Variants in CKAP2L observed in about 807,000 individuals in gnomAD.
The protein encoded by CKAP2L is cytoskeleton associated protein 2L, also known as cytoskeleton-associated protein 2-like.
In CKAP2L, 42 loss-of-function variants were observed where a neutral mutation model predicts 65.7. That is an observed-to-expected ratio of 0.64 (90% CI 0.50 to 0.83). CKAP2L has a LOEUF of 0.83. Ranked by LOEUF, CKAP2L falls within the 40% of genes least tolerant of loss-of-function variation. The pLI, the probability that CKAP2L is intolerant of heterozygous loss-of-function variation, is 0.00. For missense variants in CKAP2L, 908 were observed against 871.0 expected (o/e 1.04, Z -0.53); for synonymous variants, 325 against 313.5 (o/e 1.04, Z -0.39).
At chr2:112,741,604 G>A (rs189424238) in intron 7 of CKAP2L, among the ~76,000 whole-genome samples, 200 of 152,304 alleles carry the variant, frequency 1.3e-3, no homozygotes, top group African/African-American at 4.5e-3. Context: ...ATGGATTCCT[G>A]TCTTCTCTTT....
At position 112,756,886 on chromosome 2, in the gene CKAP2L, C is replaced by T. The variant is rs375996120; in HGVS notation, c.485G>A (p.Cys162Tyr). The T allele has an allele frequency of 5.0e-6, 8 of 1,613,182 alleles. No individual in the cohort carries two copies. In the African/African-American group the frequency reaches 8.0e-5, roughly 16 times the overall value. The change falls in exon 4 of 9, where the codon TGT becomes TAT. Residue 162 changes from cysteine (C) to tyrosine (Y), a missense_variant. By Grantham distance (194) the Cys-to-Tyr change is radical (BLOSUM62 -2). Coordinates refer to ENST00000302450, the MANE Select transcript of CKAP2L (RefSeq NM_152515.5). ...ATGGATATTATTCATAAAGTCTATA[C>T]ATTTACCATTTCCTTGATCTGTTAA... ...QQLTDQGNGK[C>Y]IDFMNNIHVE...
chr2:112,752,073 A>T (rs1026297249), intron 5 of CKAP2L, among the ~76,000 whole-genome samples, 194 bp downstream of exon 5: 1 of 152,238 alleles, frequency 6.6e-6, no homozygotes, highest in Non-Finnish European at 1.5e-5. Flanking sequence ...AATCTTAGCT[A>T]AGTGCTTATA....
chr2:112,746,627 C>A, intron 5 of CKAP2L, 52 bp from the exon 6 acceptor site: 1 of 1,315,460 alleles, frequency 7.6e-7, no homozygotes, highest in Middle Eastern at 1.9e-4. Context: ...CACTGTTAGT[C>A]TCACATCTCC....
chr2:112,761,468 A>AAG (rs1680719068), intron 2 of CKAP2L, among the ~76,000 whole-genome samples: 1 of 151,680 alleles, frequency 6.6e-6, no homozygotes, highest in African/African-American at 2.4e-5. Context: ...CTCAAAAAAA[A>AAG]AAAAAAAAAA....
Position 112,762,552 on chromosome 2 carries a change from G to A in CKAP2L, c.55C>T (p.Leu19Phe), listed in dbSNP as rs36093393. ...CCCTTGGCTGCAAGGTACTCCTGAA[G>A]CTTTCTCTGCCGCTCTTCTGCAACA... The part of the protein sequence containing the change: ...AAAVEERQRK[L>F]QEYLAAKGKL... Residue 19 changes from leucine to phenylalanine, a missense_variant, in exon 2 of 9, where the codon CTT becomes TTT. Coordinates refer to ENST00000302450, the MANE Select transcript of CKAP2L (RefSeq NM_152515.5). 118,391 of 1,612,868 alleles carry A rather than the reference G, an allele frequency of 0.073. 4,985 individuals are homozygous for A. Among genetic ancestry groups the A allele is most frequent in the Non-Finnish European group, 0.085 (100,729 of 1,178,826 alleles).
At chr2:112,740,224 G>A (rs1022285470) in intron 8 of CKAP2L, among the ~76,000 whole-genome samples, 1 of 152,116 alleles carries the variant, frequency 6.6e-6, no homozygotes, top group Non-Finnish European at 1.5e-5. Flanking sequence ...AGAGAGTTTA[G>A]GATTGGAAGA....
chr2:112,741,054 A>G (rs1444791418), intron 7 of CKAP2L, 47 bp from the exon 8 acceptor site: 3 of 1,273,006 alleles, frequency 2.4e-6, no homozygotes, highest in South Asian at 2.5e-5. Flanking sequence ...CCAATTTAAT[A>G]CTTCAACTAG....
At chr2:112,748,444 A>T (rs1261397028) in intron 5 of CKAP2L, among the ~76,000 whole-genome samples, 1 of 70,554 alleles carries the variant, frequency 1.4e-5, no homozygotes, top group African/African-American at 5.5e-5. Flanking sequence ...CCAAACTATG[A>T]TTCCAGCATG....
At chr2:112,743,761 T>C (rs940367619) in intron 6 of CKAP2L, among the ~76,000 whole-genome samples, 1 of 152,172 alleles carries the variant, frequency 6.6e-6, no homozygotes, top group African/African-American at 2.4e-5. Context: ...TGTAGGCATT[T>C]TGAGTAATTT....
intron 5 of CKAP2L, among the ~76,000 whole-genome samples, chr2:112,748,689 T>C (rs1680276880): frequency 6.6e-6 from 1 of 152,062 alleles, no homozygotes; most frequent in African/African-American, 2.4e-5. Flanking sequence ...AGTGAGACCC[T>C]GTGTCTACAA....
chr2:112,758,192 A>G (rs1680601391), intron 3 of CKAP2L, among the ~76,000 whole-genome samples: 1 of 152,226 alleles, frequency 6.6e-6, no homozygotes, highest in Non-Finnish European at 1.5e-5. Flanking sequence ...AAGTTTGGAT[A>G]AGAAAGGTAG....
In CKAP2L at chr2:112,756,515, G is replaced by A. The variant is rs186817501; in HGVS notation, c.856C>T (p.Leu286Phe). ...RTVPSHFIRT[L>F]SKVQSSKKPV... ...TTCTTTGATGACTGAACTTTACTAA[G>A]GGTCCGAATAAAGTGAGAGGGAACC... The change falls in exon 4 of 9, where the codon CTT (leucine) becomes TTT (phenylalanine). Residue 286 changes from leucine to phenylalanine, a missense_variant. Physicochemically the swap from Leu to Phe is conservative, Grantham distance 22. Transcript: ENST00000302450. 16 of 1,609,254 alleles carry A rather than the reference G, an allele frequency of 9.9e-6. No homozygotes were observed. In the Admixed American group the frequency reaches 1.7e-4, roughly 17 times the overall value.
At position 112,757,095 on chromosome 2, in the gene CKAP2L, C is replaced by G; in HGVS notation, c.276G>C (p.Lys92Asn). 1.2e-6 allele frequency: 2 copies of G among 1,614,186 alleles called. No individual in the cohort carries two copies. Among genetic ancestry groups the G allele is most frequent in the Non-Finnish European group, 1.7e-6 (2 of 1,180,034 alleles). ...TGCCCAGAAGTTTTGGTGGCTCCAACTTCGGCTTCTGGGACCCTGCAGTAT... is the reference window on the plus strand; with the variant it reads ...TGCCCAGAAGTTTTGGTGGCTCCAAGTTCGGCTTCTGGGACCCTGCAGTAT... Reference protein sequence around the residue: ...PPNTAGSQKPKLEPPKLLGKR... With the variant: ...PPNTAGSQKPNLEPPKLLGKR... Residue 92 changes from lysine (K) to asparagine (N), a missense_variant, in exon 4 of 9, where the codon AAG (lysine) becomes AAC (asparagine). Physicochemically the swap from Lys to Asn is moderately conservative, Grantham distance 94. Coordinates refer to ENST00000302450, the MANE Select transcript of CKAP2L (RefSeq NM_152515.5).
In CKAP2L at chr2:112,756,178, G is replaced by C; in HGVS notation, c.1193C>G (p.Pro398Arg). ...ATGTTTATTACCACTGGTTCCATTT[G>C]GTCTTATGCTAGGGGTGCTTGGAAT... The part of the protein sequence containing the change: ...SAIPSTPSIR[P>R]NGTSGNKHNN... Residue 398 changes from proline (P) to arginine (R), a missense_variant, in exon 4 of 9, where the codon CCA (proline) becomes CGA (arginine). Physicochemically the swap from Pro to Arg is moderately radical, Grantham distance 103. Coordinates refer to ENST00000302450, the MANE Select transcript of CKAP2L (RefSeq NM_152515.5). The C allele has an allele frequency of 6.2e-7, 1 of 1,613,986 alleles. No individual in the cohort carries two copies. The highest frequency in any genetic ancestry group is 8.5e-7 in the Non-Finnish European group (1 of 1,179,946).
At position 112,756,800 on chromosome 2, in the gene CKAP2L, T is replaced by C. The variant is rs748097219; in HGVS notation, c.571A>G (p.Ile191Val). Residue 191 changes from isoleucine to valine, a missense_variant, in exon 4 of 9, where the codon ATC (isoleucine) becomes GTC (valine). Coordinates refer to ENST00000302450, the MANE Select transcript of CKAP2L (RefSeq NM_152515.5). ...KETNKENLLD[I>V]LTEPERKPDP... ...GGCTTCCTCTCAGGTTCTGTTAAGA[T>C]ATCGAGCAAGTTCTCTTTGTTTGTT... The C allele has an allele frequency of 1.9e-6, 3 of 1,603,656 alleles. No homozygotes were observed. In the Admixed American group the frequency reaches 5.2e-5, roughly 28 times the overall value.
At chr2:112,739,129 A>T in intron 8 of CKAP2L, 81 bp from the exon 9 acceptor site, 2 of 1,081,418 alleles carry the variant, frequency 1.8e-6, no homozygotes, top group Non-Finnish European at 2.7e-6. Context: ...TTATTCAATA[A>T]TAAAACAGGG....
chr2:112,749,611 A>AG (rs1419285376), intron 5 of CKAP2L, among the ~76,000 whole-genome samples: 1 of 119,792 alleles, frequency 8.3e-6, no homozygotes, highest in African/African-American at 2.5e-5. Flanking sequence ...AATTAACAGC[A>AG]GAAAAAAAAA....
In CKAP2L at chr2:112,756,712, C is replaced by T; in HGVS notation, c.659G>A (p.Ser220Asn). 1 of 1,593,246 alleles carries T rather than the reference C, an allele frequency of 6.3e-7. No homozygotes were observed. ...GCCCAAGGCTTGTTTAGGAACTAAA[C>T]TGTTCTTGGTTTGATTATAAGAGTC... ...KTDSYNQTKN[S>N]LVPKQALGKS... is the part of the protein sequence containing the mutation. The change falls in exon 4 of 9, where the codon AGT becomes AAT. Residue 220 changes from serine (S) to asparagine (N), a missense_variant. Transcript: ENST00000302450.
At position 112,762,549 on chromosome 2, in the gene CKAP2L, G is replaced by A; in HGVS notation, c.58C>T (p.Gln20Ter). Residue 20 changes from glutamine to a stop codon, truncating the protein, a stop_gained, in exon 2 of 9, where the codon CAG becomes TAG. Transcript: ENST00000302450. LOFTEE classifies it high-confidence loss of function. ...TTTCCCTTGGCTGCAAGGTACTCCT[G>A]AAGCTTTCTCTGCCGCTCTTCTGCA... The part of the protein sequence containing the change: ...AAVEERQRKL[Q>*]EYLAAKGKLK... 6.2e-7 allele frequency: 1 copy of A among 1,614,012 alleles called. No individual in the cohort carries two copies. The highest frequency in any genetic ancestry group is 2.2e-5 in the East Asian group (1 of 44,884).
Sources: gnomAD v4.1 joint callset for allele counts (sites outside exome capture counted in the v4.1 genomes callset) on GRCh38, gnomAD v4.1.1 for gene constraint, MANE v1.5 for transcripts, NCBI Gene and HGNC (gene_info 2026-07-23, HGNC 2026-07-21) for gene names.